The following RNF111 variants were observed in gnomAD, a reference collection of about 807,000 sequenced individuals.
The protein encoded by RNF111 is ring finger protein 111.
In RNF111, 17 loss-of-function variants were observed where a neutral mutation model predicts 95.1. The observed-to-expected ratio is 0.18, with a 90% CI of 0.12 to 0.27. The LOEUF is 0.27. Ranked by LOEUF, RNF111 falls within the 10% of genes least tolerant of loss-of-function variation. The pLI is 1.00. For missense variants in RNF111, 1,189 were observed against 1,210.4 expected, an observed-to-expected ratio of 0.98 and a Z score of 0.26; for synonymous variants, 440 against 414.8, an observed-to-expected ratio of 1.06 and a Z score of -0.74.
chr15:58,990,055 A>G (rs2038742904), intron 1 of RNF111, among the ~76,000 whole-genome samples: 2 of 152,188 alleles, frequency 1.3e-5, no homozygotes, highest in Admixed American at 6.5e-5. Flanking sequence ...TTACCGTTCT[A>G]TGGGTAACGT....
intron 1 of RNF111, among the ~76,000 whole-genome samples, chr15:59,021,970 C>T (rs1308081828): frequency 6.6e-6 from 1 of 152,070 alleles, no homozygotes; most frequent in African/African-American, 2.4e-5. Context: ...AGCGATCCTC[C>T]CGCCTCAGCC....
chr15:59,010,867 T>C (rs1201295406), intron 1 of RNF111, among the ~76,000 whole-genome samples: 1 of 152,194 alleles, frequency 6.6e-6, no homozygotes, highest in Non-Finnish European at 1.5e-5. Flanking sequence ...TACAGTAGAT[T>C]CCTTCTCCTG....
intron 1 of RNF111, among the ~76,000 whole-genome samples, chr15:59,024,613 T>C (rs1175117300): frequency 6.6e-6 from 1 of 152,232 alleles, no homozygotes; most frequent in African/African-American, 2.4e-5. Context: ...ATTCTCTTTT[T>C]TGAGTGACTT....
intron 1 of RNF111, among the ~76,000 whole-genome samples, chr15:59,003,538 A>T (rs1197184934): frequency 6.6e-6 from 1 of 151,822 alleles, no homozygotes; most frequent in African/African-American, 2.4e-5. Flanking sequence ...AGCTGGGACT[A>T]CAGGTGCGTG....
intron 13 of RNF111, 28 bp from the exon 14 acceptor site, chr15:59,094,755 T>C (rs1215134588): frequency 8.0e-7 from 1 of 1,245,442 alleles, no homozygotes; most frequent in Non-Finnish European, 1.2e-6. Context: ...AAATTAATTT[T>C]TGCTTTTTGT....
intron 2 of RNF111, among the ~76,000 whole-genome samples, chr15:59,047,549 G>T (rs1486436112): frequency 1.3e-5 from 2 of 151,990 alleles, no homozygotes; most frequent in Non-Finnish European, 2.9e-5. Flanking sequence ...AAAATGCTCA[G>T]CACCATTAGT....
intron 2 of RNF111, among the ~76,000 whole-genome samples, chr15:59,037,275 C>G (rs1290793443): frequency 6.6e-6 from 1 of 152,114 alleles, no homozygotes; most frequent in Non-Finnish European, 1.5e-5. Context: ...TATTAGAAAG[C>G]CTGTTAAACA....
chr15:59,026,426 G>A (rs983601760), intron 1 of RNF111, among the ~76,000 whole-genome samples: 3 of 152,190 alleles, frequency 2.0e-5, no homozygotes, highest in Non-Finnish European at 4.4e-5. Context: ...TCTACACAAA[G>A]AGGGACTAGT....
intron 7 of RNF111, among the ~76,000 whole-genome samples, chr15:59,077,449 G>C (rs373152471): frequency 6.6e-6 from 1 of 152,114 alleles, no homozygotes; most frequent in East Asian, 1.9e-4. Flanking sequence ...GGTAGTAACT[G>C]TTCTATAAAA....
chr15:59,071,689 G>C (rs1233488978), intron 6 of RNF111, among the ~76,000 whole-genome samples: 3 of 145,342 alleles, frequency 2.1e-5, no homozygotes, highest in Non-Finnish European at 4.5e-5. Flanking sequence ...AGATCCTGTC[G>C]CAAAAAAAAA....
intron 2 of RNF111, among the ~76,000 whole-genome samples, chr15:59,042,739 C>T (rs576457252): frequency 3.3e-5 from 5 of 152,266 alleles, no homozygotes; most frequent in South Asian, 4.1e-4. Context: ...TTTCCACATG[C>T]ATTTGGGCCT....
chr15:59,014,030 A>G (rs1328389149), intron 1 of RNF111, among the ~76,000 whole-genome samples: 2 of 152,280 alleles, frequency 1.3e-5, no homozygotes, highest in Admixed American at 6.5e-5. Context: ...AGCTTAGGCA[A>G]TCCGCCTTCC....
intron 1 of RNF111, among the ~76,000 whole-genome samples, chr15:59,016,880 C>T (rs1225892034): frequency 1.3e-5 from 2 of 152,032 alleles, no homozygotes; most frequent in East Asian, 1.9e-4. Context: ...AGATCAGCAG[C>T]GGCATTCTTG....
chr15:59,094,670 G>A, intron 13 of RNF111, 113 bp from the exon 14 acceptor site: 1 of 651,948 alleles, frequency 1.5e-6, no homozygotes, highest in Non-Finnish European at 2.7e-6. Flanking sequence ...TTATAGAAGA[G>A]GAAGATGCTT....
intron 5 of RNF111, among the ~76,000 whole-genome samples, chr15:59,062,213 A>C (rs1210851837): frequency 6.6e-6 from 1 of 151,490 alleles, no homozygotes; most frequent in African/African-American, 2.4e-5. Flanking sequence ...TGGCCAATTT[A>C]TGTATTTTTT....
chr15:58,988,050 A>T lies in RNF111; in HGVS notation c.-38A>T, dbSNP rs1315955454. 2 of 119,438 alleles carry T rather than the reference A, an allele frequency of 1.7e-5. No homozygotes were observed. The highest frequency in any genetic ancestry group is 6.5e-5 in the African/African-American group (2 of 30,812). 7.4% of individuals were successfully genotyped at this position (119,438 alleles called of 1,614,324 possible). A position where few individuals can be genotyped will look rare whatever the true frequency, so the allele number is the denominator to read the frequency against. On this transcript the variant is annotated 5_prime_UTR_variant, in exon 1 of 14. Coordinates refer to ENST00000348370, the MANE Select transcript of RNF111 (RefSeq NM_017610.8). ...TGATTCCCGGACCCTGGAAGAGAAGAGGGTGGCTAATGATTAAGGTGAGGG... is the reference window on the plus strand; with the variant it reads ...TGATTCCCGGACCCTGGAAGAGAAGTGGGTGGCTAATGATTAAGGTGAGGG...
In RNF111 at chr15:59,044,123, C is replaced by G. The variant is rs57629829; in HGVS notation, c.881-8182C>G. ...TCGGCTCACTGCAACCCCCACCTCCCGGGTTCAAGCGATTCTCCTGCCTCA... is the reference window on the plus strand; with the variant it reads ...TCGGCTCACTGCAACCCCCACCTCCGGGGTTCAAGCGATTCTCCTGCCTCA... On this transcript the variant is annotated intron_variant, in intron 2 of 13. Transcript: ENST00000348370. 6.6e-5 allele frequency among the ~76,000 whole-genome samples: 10 copies of G among 152,274 alleles called. No homozygotes were observed. In the East Asian group the frequency reaches 1.9e-3, roughly 29 times the overall value.
chr15:59,074,285 A>G (rs1043132518), intron 6 of RNF111, among the ~76,000 whole-genome samples: 1 of 152,190 alleles, frequency 6.6e-6, no homozygotes. Context: ...GTCCTTGGAA[A>G]CTTTGAAGCC....
chr15:59,000,597 C>T (rs2039283298), intron 1 of RNF111, among the ~76,000 whole-genome samples: 1 of 151,730 alleles, frequency 6.6e-6, no homozygotes, highest in African/African-American at 2.4e-5. Flanking sequence ...ATAATCCTAG[C>T]TATTCGGGAG....
Sources: allele counts gnomAD v4.1 joint callset (sites outside exome capture counted in the v4.1 genomes callset), GRCh38; gene constraint gnomAD v4.1.1; transcripts MANE v1.5; gene names NCBI Gene and HGNC (gene_info 2026-07-23, HGNC 2026-07-21).